HS3ST3A1: variants seen among roughly 807,000 people sequenced by gnomAD.
HS3ST3A1 encodes the protein heparan sulfate glucosamine 3-O-sulfotransferase 3A1.
Under a neutral mutation model 25.7 loss-of-function variants are expected in HS3ST3A1, and 19 were observed. The ratio of observed to expected loss-of-function variants is 0.74; its 90% confidence interval spans 0.52 to 1.08. HS3ST3A1 has a LOEUF of 1.08. HS3ST3A1 is among the 50% of genes least tolerant of loss of function. The pLI is 0.00. For missense variants in HS3ST3A1, 459 were observed against 594.3 expected (o/e 0.77, Z 2.37); for synonymous variants, 226 against 278.6 (o/e 0.81, Z 1.88).
At chr17:13,533,677 G>A (rs1184641639) in intron 1 of HS3ST3A1, among the ~76,000 whole-genome samples, 1 of 151,748 alleles carries the variant, frequency 6.6e-6, no homozygotes, top group Non-Finnish European at 1.5e-5. Context: ...CTTTAGATAG[G>A]GTCTATAATT....
At chr17:13,540,586 C>G (rs1906903033) in intron 1 of HS3ST3A1, among the ~76,000 whole-genome samples, 1 of 152,198 alleles carries the variant, frequency 6.6e-6, no homozygotes, top group Non-Finnish European at 1.5e-5. Context: ...CTGTTTCTTT[C>G]ATCTCTGCAT....
intron 1 of HS3ST3A1, among the ~76,000 whole-genome samples, chr17:13,590,082 G>GA (rs1439342464): frequency 6.6e-6 from 1 of 152,050 alleles, no homozygotes; most frequent in African/African-American, 2.4e-5. Flanking sequence ...ACTCGAGAGA[G>GA]AAAAAAGCAA....
intron 1 of HS3ST3A1, among the ~76,000 whole-genome samples, chr17:13,498,100 T>C (rs1410107518): frequency 6.6e-6 from 1 of 152,230 alleles, no homozygotes; most frequent in Non-Finnish European, 1.5e-5. Context: ...ATTTTATTTA[T>C]AAATCCCCTC....
At chr17:13,506,901 CAAAAAAA>C (rs958583882) in intron 1 of HS3ST3A1, among the ~76,000 whole-genome samples, 3 of 101,240 alleles carry the variant, frequency 3.0e-5, no homozygotes, top group Non-Finnish European at 6.5e-5. Context: ...TACTAAAATA[CAAAAAAA>C]AAAAAAAAAA....
At chr17:13,498,850 T>G (rs1905365593) in intron 1 of HS3ST3A1, among the ~76,000 whole-genome samples, 1 of 152,078 alleles carries the variant, frequency 6.6e-6, no homozygotes, top group African/African-American at 2.4e-5. Context: ...CCTTTTCTCC[T>G]GTGAATCGGC....
chr17:13,513,635 G>A (rs920394485), intron 1 of HS3ST3A1, among the ~76,000 whole-genome samples: 2 of 152,110 alleles, frequency 1.3e-5, no homozygotes. Flanking sequence ...TTGCACTCTG[G>A]AATAAATAGA....
chr17:13,586,015 A>AT (rs1220400835), intron 1 of HS3ST3A1, among the ~76,000 whole-genome samples: 1 of 151,010 alleles, frequency 6.6e-6, no homozygotes, highest in Non-Finnish European at 1.5e-5. Context: ...AGCCCGGCTA[A>AT]TTTTTTGTAT....
chr17:13,548,040 C>T (rs1453039572), intron 1 of HS3ST3A1, among the ~76,000 whole-genome samples: 1 of 151,706 alleles, frequency 6.6e-6, no homozygotes, highest in African/African-American at 2.4e-5. Context: ...CTAACCAAGT[C>T]TAAATTCTCA....
At chr17:13,515,386 G>T (rs1417471824) in intron 1 of HS3ST3A1, among the ~76,000 whole-genome samples, 2 of 151,520 alleles carry the variant, frequency 1.3e-5, no homozygotes, top group African/African-American at 4.9e-5. Context: ...TCTTGAACTC[G>T]TGACCTCAGG....
rs975336736 is a variant in HS3ST3A1 at position 13,539,512 on chromosome 17, C to T, written c.600-42694G>A. 3.3e-5 allele frequency among the ~76,000 whole-genome samples: 5 copies of T among 152,268 alleles called. No homozygotes were observed. The South Asian group carries it at 8.3e-4, about 25-fold the overall frequency. ...ACAGGTTAGAGACATTGGCAAAGAACATCTTTTTCTTTAAACATCACTGCG... is the reference window on the plus strand; with the variant it reads ...ACAGGTTAGAGACATTGGCAAAGAATATCTTTTTCTTTAAACATCACTGCG... On this transcript the variant is annotated intron_variant, in intron 1 of 1. Coordinates refer to ENST00000284110, the MANE Select transcript of HS3ST3A1 (RefSeq NM_006042.3).
intron 1 of HS3ST3A1, among the ~76,000 whole-genome samples, chr17:13,565,739 T>C (rs1907660899): frequency 6.6e-6 from 1 of 152,220 alleles, no homozygotes; most frequent in African/African-American, 2.4e-5. Flanking sequence ...TAGTACATCT[T>C]GTTTTCCTTC....
chr17:13,494,175 G>A lies in HS3ST3A1; in HGVS notation c.*2022C>T, dbSNP rs1010135828. ...AGAATCAGTTGTACAAACAAAATGA[G>A]CTAAGAGAAATGATGACAAGAGTTT... On this transcript the variant is annotated 3_prime_UTR_variant, in exon 2 of 2. Transcript: ENST00000284110. Among the ~76,000 whole-genome samples, 11 of 152,222 alleles carry A rather than the reference G, an allele frequency of 7.2e-5. No individual in the cohort carries two copies. The highest frequency in any genetic ancestry group is 2.7e-4 in the African/African-American group (11 of 41,462).
rs150129442 is a variant in HS3ST3A1, at chr17:13,550,707, A to AAACAAC, written c.599+49818_599+49823dup. 8.9e-3 allele frequency among the ~76,000 whole-genome samples: 1,340 copies of AAACAAC among 151,364 alleles called. 13 individuals are homozygous for AAACAAC. The highest frequency in any genetic ancestry group is 0.033 in the Admixed American group (495 of 15,174). The stretch of plus-strand genomic sequence containing the variant: ...GGTGCAAAATGGAAGGCAAACACCA[A>AAACAAC]AACAACAACAACAACAACAACAACA... On this transcript the variant is annotated intron_variant, in intron 1 of 1. Transcript: ENST00000284110.
At chr17:13,570,588 C>T (rs1233805501) in intron 1 of HS3ST3A1, among the ~76,000 whole-genome samples, 1 of 152,116 alleles carries the variant, frequency 6.6e-6, no homozygotes. Context: ...CAAAGTGATC[C>T]CCCCACCTCA....
intron 1 of HS3ST3A1, among the ~76,000 whole-genome samples, chr17:13,564,791 G>A (rs1424944389): frequency 6.8e-6 from 1 of 146,312 alleles, no homozygotes; most frequent in Non-Finnish European, 1.5e-5. Context: ...TGGTGCGATC[G>A]CAGCTCACTG....
At chr17:13,535,092 C>G (rs578177588) in intron 1 of HS3ST3A1, among the ~76,000 whole-genome samples, 1 of 152,128 alleles carries the variant, frequency 6.6e-6, no homozygotes, top group South Asian at 2.1e-4. Context: ...ACCAATGCTC[C>G]TAGAGGAAAC....
At chr17:13,547,936 G>T (rs1907130948) in intron 1 of HS3ST3A1, among the ~76,000 whole-genome samples, 1 of 112,168 alleles carries the variant, frequency 8.9e-6, no homozygotes, top group Non-Finnish European at 1.7e-5. Context: ...GAATTGGTTG[G>T]TGTGAGCCAA....
At chr17:13,592,271 G>A (rs2142393606) in intron 1 of HS3ST3A1, among the ~76,000 whole-genome samples, 1 of 152,258 alleles carries the variant, frequency 6.6e-6, no homozygotes, top group Non-Finnish European at 1.5e-5. Context: ...TCTATAAAAT[G>A]TAGAAAATGA....
intron 1 of HS3ST3A1, among the ~76,000 whole-genome samples, chr17:13,546,703 T>A (rs1309871417): frequency 6.6e-6 from 1 of 152,230 alleles, no homozygotes; most frequent in East Asian, 1.9e-4. Context: ...TAGACTTAAT[T>A]TGCTCACCTG....
Sources: gnomAD v4.1 joint callset for allele counts (sites outside exome capture counted in the v4.1 genomes callset) on GRCh38, gnomAD v4.1.1 for gene constraint, MANE v1.5 for transcripts, NCBI Gene and HGNC (gene_info 2026-07-23, HGNC 2026-07-21) for gene names.